SPRED2: variants seen among roughly 807,000 people sequenced by gnomAD.
SPRED2 encodes sprouty related EVH1 domain containing 2, also known as sprouty-related, EVH1 domain-containing protein 2.
SPRED2 carries 47 observed loss-of-function variants against 43.0 expected under a neutral mutation model. That is an observed-to-expected ratio of 1.09 (90% CI 0.87 to 1.40). The LOEUF is 1.40. Ranked by LOEUF, SPRED2 falls within the 40% of genes most tolerant of loss-of-function variation. SPRED2 has a pLI of 0.00. For synonymous variants in SPRED2, 225 were observed against 225.7 expected (o/e 1.00, Z 0.03); for missense variants, 561 against 586.4 (o/e 0.96, Z 0.45).
chr2:65,369,011 G>A (rs551058429), intron 1 of SPRED2, among the ~76,000 whole-genome samples: 1 of 152,306 alleles, frequency 6.6e-6, no homozygotes, highest in East Asian at 1.9e-4. Context: ...GGAGGCTGAA[G>A]CTGCAGTAAG....
chr2:65,376,929 T>C lies in SPRED2; in HGVS notation c.27-32033A>G, dbSNP rs1026038665. On this transcript the variant is annotated intron_variant, in intron 1 of 5. Transcript: ENST00000356388. ...CGGGGTTTCACCGTGTTAGCCAGGA[T>C]GGTCTCGATCTCCTGACCTCATGAT... 1.3e-4 allele frequency among the ~76,000 whole-genome samples: 20 copies of C among 152,292 alleles called. 1 individual carries two copies. The highest frequency in any genetic ancestry group is 4.6e-4 in the African/African-American group (19 of 41,562).
intron 1 of SPRED2, among the ~76,000 whole-genome samples, chr2:65,386,013 G>A (rs1383107387): frequency 1.3e-5 from 2 of 152,170 alleles, no homozygotes; most frequent in Non-Finnish European, 2.9e-5. Flanking sequence ...GGTCGGGTGC[G>A]GTGGCTCACG....
chr2:65,394,365 G>A (rs762634633), intron 1 of SPRED2, among the ~76,000 whole-genome samples: 3 of 152,148 alleles, frequency 2.0e-5, no homozygotes, highest in Non-Finnish European at 4.4e-5. Flanking sequence ...GGCTGCTGGC[G>A]CCCTGCACAG....
Position 65,401,933 on chromosome 2 carries a change from G to GCACACACACA in SPRED2, c.26+30028_26+30029insTGTGTGTGTG, listed in dbSNP as rs141434693. Among the ~76,000 whole-genome samples, 14 of 83,816 alleles carry GCACACACACA rather than the reference G, an allele frequency of 1.7e-4. No homozygotes were observed. The South Asian group carries it at 1.8e-3, about 11-fold the overall frequency. The allele number at this position is 83,816 out of a possible 152,430, so 55.0% of individuals were successfully genotyped here. On this transcript the variant is annotated intron_variant, in intron 1 of 5. Coordinates refer to ENST00000356388, the MANE Select transcript of SPRED2 (RefSeq NM_181784.3). ...TAAAACGATCAGAATATTAGCGCGC[G>GCACACACACA]CGCGCACACACACACACACACACAC...
At position 65,313,548 on chromosome 2, in the gene SPRED2, C is replaced by T. The variant is rs374710787; in HGVS notation, c.1210G>A (p.Gly404Arg). The change falls in exon 6 of 6, where the codon GGA becomes AGA. Residue 404 changes from glycine (G) to arginine (R), a missense_variant. Transcript: ENST00000356388. ...YLPLRACYHC[G>R]VMCRCCGGKH... ...CCGCCACAGCACCTGCACATCACTCCGCAGTGGTAGCAGGCCCGAAGGGGC... is the reference window on the plus strand; with the variant it reads ...CCGCCACAGCACCTGCACATCACTCTGCAGTGGTAGCAGGCCCGAAGGGGC... 1 of 1,613,260 alleles carries T rather than the reference C, an allele frequency of 6.2e-7. No individual in the cohort carries two copies. The highest frequency in any genetic ancestry group is 8.5e-7 in the Non-Finnish European group (1 of 1,179,650).
At chr2:65,383,685 C>T (rs75883030) in intron 1 of SPRED2, among the ~76,000 whole-genome samples, 6,527 of 152,080 alleles carry the variant, frequency 0.043, 495 homozygotes, top group African/African-American at 0.15. Context: ...GTCTGACACA[C>T]GAGTATGGAA....
intron 1 of SPRED2, among the ~76,000 whole-genome samples, chr2:65,431,660 C>T (rs1328729625): frequency 1.3e-5 from 2 of 152,108 alleles, no homozygotes; most frequent in African/African-American, 4.8e-5. Context: ...ATTTCGGGGG[C>T]GGGGGAGCTG....
At chr2:65,377,114 T>G (rs897342938) in intron 1 of SPRED2, among the ~76,000 whole-genome samples, 2 of 152,240 alleles carry the variant, frequency 1.3e-5, no homozygotes, top group African/African-American at 2.4e-5. Flanking sequence ...TAGTTTCTTA[T>G]TAATGAACAT....
chr2:65,316,717 A>G lies in SPRED2; in HGVS notation c.588+17T>C, dbSNP rs763597409. The G allele has an allele frequency of 6.2e-7, 1 of 1,601,366 alleles. No homozygotes were observed. The highest frequency in any genetic ancestry group is 1.1e-5 in the South Asian group (1 of 88,684). Reference sequence around the variant, plus strand: ...GCACCACCCTGATGCCCTCAGAGGAACAGGGCTGCTGCTCACCTGATCGAG... The same window carrying G: ...GCACCACCCTGATGCCCTCAGAGGAGCAGGGCTGCTGCTCACCTGATCGAG... On this transcript the variant is annotated intron_variant, in intron 5 of 5. Transcript: ENST00000356388.
chr2:65,354,169 G>A (rs1674583722), intron 1 of SPRED2, among the ~76,000 whole-genome samples: 1 of 152,230 alleles, frequency 6.6e-6, no homozygotes, highest in South Asian at 2.1e-4. Flanking sequence ...CATCCCCCGA[G>A]CCTGGGAGCC....
At chr2:65,429,093 A>G (rs78042017) in intron 1 of SPRED2, among the ~76,000 whole-genome samples, 2,765 of 152,340 alleles carry the variant, frequency 0.018, 96 homozygotes, top group African/African-American at 0.063. Flanking sequence ...CTGAATTACC[A>G]TATATTAGAA....
chr2:65,352,768 C>A (rs954887587), intron 1 of SPRED2, among the ~76,000 whole-genome samples: 1 of 152,252 alleles, frequency 6.6e-6, no homozygotes, highest in South Asian at 2.1e-4. Flanking sequence ...GGATTACAGG[C>A]GTGCTCCAAC....
intron 3 of SPRED2, among the ~76,000 whole-genome samples, chr2:65,333,477 G>C (rs1673875355): frequency 6.6e-6 from 1 of 151,870 alleles, no homozygotes; most frequent in African/African-American, 2.4e-5. Context: ...TAGGAAAACT[G>C]GTGGAAAAAA....
chr2:65,324,065 G>T (rs568659276), intron 4 of SPRED2, among the ~76,000 whole-genome samples: 9 of 151,678 alleles, frequency 5.9e-5, no homozygotes, highest in African/African-American at 2.2e-4. Flanking sequence ...CAGCTTCCCA[G>T]AGGGGTGTGT....
intron 1 of SPRED2, among the ~76,000 whole-genome samples, chr2:65,384,205 A>G (rs1436143295): frequency 6.6e-6 from 1 of 151,660 alleles, no homozygotes; most frequent in Non-Finnish European, 1.5e-5. Context: ...CTCGGTGTCT[A>G]TCCCAGCGTG....
chr2:65,363,994 G>T (rs989819676), intron 1 of SPRED2, among the ~76,000 whole-genome samples: 4 of 152,070 alleles, frequency 2.6e-5, no homozygotes, highest in African/African-American at 4.8e-5. Context: ...CAAGAAAAAG[G>T]AAAAACAAAA....
chr2:65,379,236 A>G (rs1184537571), intron 1 of SPRED2, among the ~76,000 whole-genome samples: 1 of 151,894 alleles, frequency 6.6e-6, no homozygotes, highest in East Asian at 1.9e-4. Context: ...CCCCTCACCC[A>G]CCTGAGCATT....
chr2:65,354,443 C>T (rs946716145), intron 1 of SPRED2, among the ~76,000 whole-genome samples: 1 of 151,926 alleles, frequency 6.6e-6, no homozygotes, highest in African/African-American at 2.4e-5. Context: ...TGTGTTTAAA[C>T]GCAATTTTAA....
At chr2:65,429,297 T>A (rs1676624616) in intron 1 of SPRED2, among the ~76,000 whole-genome samples, 1 of 152,236 alleles carries the variant, frequency 6.6e-6, no homozygotes. Flanking sequence ...AGTACAAATA[T>A]ATCTTTCCTA....
Sources: gnomAD v4.1 joint callset for allele counts (sites outside exome capture counted in the v4.1 genomes callset) on GRCh38, gnomAD v4.1.1 for gene constraint, MANE v1.5 for transcripts, NCBI Gene and HGNC (gene_info 2026-07-23, HGNC 2026-07-21) for gene names.